CRACDL: variants seen among roughly 807,000 people sequenced by gnomAD.
CRACDL encodes the protein CRACD like.
In CRACDL, 26 loss-of-function variants were observed where a neutral mutation model predicts 70.6. That is an observed-to-expected ratio of 0.37 (90% CI 0.27 to 0.51). The LOEUF (loss-of-function observed/expected upper bound fraction) is 0.51, where lower values mean the gene tolerates loss of function less well. Ranked by LOEUF, CRACDL falls within the 20% of genes least tolerant of loss-of-function variation. CRACDL has a pLI of 0.94. For missense variants in CRACDL, 1,283 were observed against 1,376.9 expected, an observed-to-expected ratio of 0.93 and a Z score of 1.08; for synonymous variants, 618 against 615.2, an observed-to-expected ratio of 1.00 and a Z score of -0.07.
intron 7 of CRACDL, among the ~76,000 whole-genome samples, chr2:98,812,470 T>TAATA (rs1704613525): frequency 6.6e-6 from 1 of 152,232 alleles, no homozygotes; most frequent in African/African-American, 2.4e-5. Flanking sequence ...GCCATAGAGA[T>TAATA]AATACTCTAA....
intron 1 of CRACDL, among the ~76,000 whole-genome samples, chr2:98,908,776 C>T (rs866631903): frequency 5.3e-5 from 8 of 152,194 alleles, no homozygotes; most frequent in East Asian, 1.9e-4. Context: ...CAGAGTCTAC[C>T]GAAGGCTGGG....
intron 1 of CRACDL, chr2:98,897,420 G>A (rs1332440489): frequency 1.5e-6 from 2 of 1,302,970 alleles, no homozygotes; most frequent in Admixed American, 2.3e-5. Context: ...TCAGTCACAG[G>A]TGTCCTTATC....
At chr2:98,922,634 T>C (rs1184927289) in intron 1 of CRACDL, among the ~76,000 whole-genome samples, 1 of 152,122 alleles carries the variant, frequency 6.6e-6, no homozygotes, top group Non-Finnish European at 1.5e-5. Context: ...AAGCTGCCTA[T>C]GATGCCATGC....
intron 1 of CRACDL, among the ~76,000 whole-genome samples, chr2:98,865,727 C>T (rs1003295739): frequency 6.6e-6 from 1 of 151,684 alleles, no homozygotes; most frequent in Non-Finnish European, 1.5e-5. Context: ...GTACCCACAC[C>T]AAAGAGGCGT....
chr2:98,845,205 T>TA (rs1304751677), intron 2 of CRACDL, among the ~76,000 whole-genome samples: 1 of 151,542 alleles, frequency 6.6e-6, no homozygotes, highest in Non-Finnish European at 1.5e-5. Context: ...TTCTTCTTTT[T>TA]TTTTTTTTTG....
chr2:98,898,044 G>C (rs1031584567), intron 1 of CRACDL, among the ~76,000 whole-genome samples: 2 of 152,216 alleles, frequency 1.3e-5, no homozygotes, highest in Admixed American at 6.5e-5. Flanking sequence ...GGGATTTACA[G>C]GTTGTCACAT....
intron 5 of CRACDL, among the ~76,000 whole-genome samples, chr2:98,830,743 G>A (rs1373539726): frequency 6.6e-6 from 1 of 152,102 alleles, no homozygotes; most frequent in Non-Finnish European, 1.5e-5. Flanking sequence ...AGTCAGGCTG[G>A]CCCAGCCGAG....
intron 1 of CRACDL, among the ~76,000 whole-genome samples, chr2:98,880,647 C>T (rs540550855): frequency 4.6e-5 from 7 of 152,082 alleles, no homozygotes; most frequent in South Asian, 2.1e-4. Flanking sequence ...TCTCTGGCCG[C>T]GAGGTCAGGT....
intron 1 of CRACDL, among the ~76,000 whole-genome samples, chr2:98,871,022 A>T (rs115027809): frequency 0.03 from 4,533 of 152,326 alleles, 170 homozygotes; most frequent in South Asian, 0.17. Context: ...GCAGGCCTTG[A>T]CACCTCTCAC....
chr2:98,840,602 C>T (rs1330433342), intron 2 of CRACDL: 1 of 151,948 alleles, frequency 6.6e-6, no homozygotes, highest in East Asian at 1.9e-4. Context: ...TAAAAATAAC[C>T]CCACTCTGCT....
At chr2:98,885,949 T>G (rs565649917) in intron 1 of CRACDL, among the ~76,000 whole-genome samples, 1 of 152,122 alleles carries the variant, frequency 6.6e-6, no homozygotes, top group African/African-American at 2.4e-5. Context: ...ATGAACTTTG[T>G]CAGAACTCTG....
rs1179480039 is a variant in CRACDL at position 98,822,209 on chromosome 2, G to A, written c.2064C>T (p.Ser688=). The change falls in exon 7 of 10, where the codon TCC becomes TCT. Residue 688 remains serine (S), a synonymous_variant. Coordinates refer to ENST00000397899, the MANE Select transcript of CRACDL (RefSeq NM_207362.3). This position sits in a 1 kb window ranked among gnomAD's most constrained non-coding sequence, Gnocchi z 4.9. ...DRNPFPVKLR[S]TSLSLKYRDG... is the part of the protein sequence containing the mutation. ...CCCTGTATTTGAGCGAGAGGGAGGT[G>A]GACCGGAGCTTGACGGGGAAGGGGT... 6 of 1,609,812 alleles carry A rather than the reference G, an allele frequency of 3.7e-6. No individual in the cohort carries two copies. The highest frequency in any genetic ancestry group is 5.1e-6 in the Non-Finnish European group (6 of 1,179,260).
intron 1 of CRACDL, among the ~76,000 whole-genome samples, chr2:98,863,385 G>C (rs1707011723): frequency 6.6e-6 from 1 of 152,094 alleles, no homozygotes; most frequent in Admixed American, 6.5e-5. Context: ...GAGCTGTTCT[G>C]CAAGAAATGC....
intron 3 of CRACDL, among the ~76,000 whole-genome samples, chr2:98,836,797 T>C (rs1172241122): frequency 1.3e-5 from 2 of 152,190 alleles, no homozygotes; most frequent in Non-Finnish European, 2.9e-5. Flanking sequence ...AAAAAATGCA[T>C]GCACGCCGGG....
At chr2:98,926,551 A>G (rs1053223189) in intron 1 of CRACDL, among the ~76,000 whole-genome samples, 2 of 152,204 alleles carry the variant, frequency 1.3e-5, no homozygotes, top group Admixed American at 6.5e-5. Context: ...ACAGGCCCAC[A>G]GCTGCACTTG....
intron 1 of CRACDL, chr2:98,897,319 G>A (rs1033163741): frequency 1.9e-5 from 22 of 1,166,222 alleles, no homozygotes; most frequent in East Asian, 5.7e-5. Flanking sequence ...GGTATTAAAC[G>A]TGAAGGCACT....
intron 1 of CRACDL, among the ~76,000 whole-genome samples, chr2:98,915,140 C>T (rs1334205663): frequency 6.6e-6 from 1 of 152,152 alleles, no homozygotes; most frequent in Non-Finnish European, 1.5e-5. Context: ...AGGACTGGGT[C>T]CAACTCATGC....
At chr2:98,842,870 G>T (rs1441118425) in intron 2 of CRACDL, among the ~76,000 whole-genome samples, 1 of 84,218 alleles carries the variant, frequency 1.2e-5, no homozygotes, top group East Asian at 4.5e-4. Flanking sequence ...GCTATAGTTT[G>T]TGTGTGTGTG....
chr2:98,849,694 C>T (rs954734863), intron 1 of CRACDL, among the ~76,000 whole-genome samples: 1 of 151,972 alleles, frequency 6.6e-6, no homozygotes, highest in African/African-American at 2.4e-5. Flanking sequence ...CACCAGTGGA[C>T]TCACACAAGG....
Sources: allele counts gnomAD v4.1 joint callset (sites outside exome capture counted in the v4.1 genomes callset), GRCh38; gene constraint gnomAD v4.1.1; non-coding constraint Gnocchi (gnomAD v3.1); transcripts MANE v1.5; gene names NCBI Gene and HGNC (gene_info 2026-07-23, HGNC 2026-07-21).